Variants in HTR1E observed in about 807,000 individuals in gnomAD.
HTR1E encodes 5-HT-1E.
In HTR1E, 3 loss-of-function variants were observed where a neutral mutation model predicts 3.4. The observed-to-expected ratio is 0.89, with a 90% CI of 0.41 to 2.31. The LOEUF is 2.31. Ranked by LOEUF, HTR1E falls within the 30% of genes most tolerant of loss-of-function variation. The pLI, the probability that HTR1E is intolerant of heterozygous loss-of-function variation, is 0.05. For synonymous variants in HTR1E, 170 were observed against 182.8 expected (o/e 0.93, Z 0.56); for missense variants, 392 against 467.0 (o/e 0.84, Z 1.48).
chr6:86,959,396 T>G (rs1463859084), intron 1 of HTR1E, among the ~76,000 whole-genome samples: 1 of 151,942 alleles, frequency 6.6e-6, no homozygotes, highest in African/African-American at 2.4e-5. Flanking sequence ...CTGGGCAACA[T>G]GATGAAACCC....
Position 87,016,570 on chromosome 6 carries a change from T to C in HTR1E, c.*138T>C. 4 of 700,456 alleles carry C rather than the reference T, an allele frequency of 5.7e-6. No individual in the cohort carries two copies. The highest frequency in any genetic ancestry group is 9.1e-6 in the Non-Finnish European group (4 of 439,392). 43.4% of individuals were successfully genotyped at this position (700,456 alleles called of 1,614,324 possible). A position where few individuals can be genotyped will look rare whatever the true frequency, so the allele number is the denominator to read the frequency against. ...TGTGTGGTCTTGTTTCCTTGTTTGT[T>C]TGTTTGTTTTGTTCTGTTTTGTTTG... On this transcript the variant is annotated 3_prime_UTR_variant, in exon 2 of 2. Transcript: ENST00000305344.
intron 1 of HTR1E, among the ~76,000 whole-genome samples, chr6:86,951,374 T>A (rs1349405308): frequency 6.6e-6 from 1 of 152,192 alleles, no homozygotes; most frequent in East Asian, 1.9e-4. Flanking sequence ...GCTTTTAAAT[T>A]TTTTGCCTAG....
chr6:87,007,850 C>T (rs1484519014), intron 1 of HTR1E, among the ~76,000 whole-genome samples: 1 of 152,122 alleles, frequency 6.6e-6, no homozygotes, highest in Non-Finnish European at 1.5e-5. Context: ...AGAAGGATCG[C>T]TTGACACTGG....
intron 1 of HTR1E, among the ~76,000 whole-genome samples, chr6:86,978,055 T>A (rs565505283): frequency 6.6e-6 from 1 of 152,348 alleles, no homozygotes; most frequent in South Asian, 2.1e-4. Flanking sequence ...ATTCCATGAT[T>A]AGTTTAATTA....
At chr6:87,002,641 CACAGAGTGCTGATCGGTGCATTTTT>C (rs1255888597) in intron 1 of HTR1E, among the ~76,000 whole-genome samples, 2 of 152,166 alleles carry the variant, frequency 1.3e-5, no homozygotes, top group Admixed American at 6.5e-5. Context: ...TTTAGCTAGA[CACAGAGTGCTGATCGGTGCATTTTT>C]ACAGAGTGCT....
chr6:86,962,701 AG>A (rs931551503), intron 1 of HTR1E, among the ~76,000 whole-genome samples: 2 of 151,962 alleles, frequency 1.3e-5, no homozygotes, highest in African/African-American at 4.8e-5. Context: ...AGCCGGGTGT[AG>A]TGGTGCATGC....
chr6:86,972,339 C>G (rs534744409), intron 1 of HTR1E, among the ~76,000 whole-genome samples: 1 of 152,176 alleles, frequency 6.6e-6, no homozygotes, highest in African/African-American at 2.4e-5. Flanking sequence ...CAGAATACTT[C>G]AAGGTATTGT....
intron 1 of HTR1E, among the ~76,000 whole-genome samples, chr6:86,981,437 G>T (rs571740892): frequency 9.9e-5 from 15 of 152,172 alleles, no homozygotes; most frequent in South Asian, 2.1e-4. Context: ...CATTTCGCAG[G>T]TAAATATTTA....
chr6:86,973,444 C>G (rs1767589520), intron 1 of HTR1E, among the ~76,000 whole-genome samples: 1 of 151,982 alleles, frequency 6.6e-6, no homozygotes, highest in Non-Finnish European at 1.5e-5. Context: ...CAGCTATACC[C>G]CGCTCCATAA....
chr6:86,970,292 A>T lies in HTR1E; in HGVS notation c.-186+32469A>T, dbSNP rs1391283890. On this transcript the variant is annotated intron_variant, in intron 1 of 1. Transcript: ENST00000305344. ...AAGTAACAACTGCTTCCAGGTATGG[A>T]TATTCTACTTATGGAAGATCACTGA... is the stretch of plus-strand genomic sequence containing the variant. Among the ~76,000 whole-genome samples, 3 of 152,214 alleles carry T rather than the reference A, an allele frequency of 2.0e-5. No homozygotes were observed. In the East Asian group the frequency reaches 5.8e-4, roughly 29 times the overall value.
At chr6:86,965,097 T>C (rs144592628) in intron 1 of HTR1E, among the ~76,000 whole-genome samples, 26 of 152,304 alleles carry the variant, frequency 1.7e-4, no homozygotes, top group African/African-American at 5.3e-4. Flanking sequence ...TATGTGGGCT[T>C]CCAGACCAAA....
chr6:86,987,513 A>G (rs907690558), intron 1 of HTR1E, among the ~76,000 whole-genome samples: 3 of 152,118 alleles, frequency 2.0e-5, no homozygotes, highest in African/African-American at 7.2e-5. Context: ...ATATATATAT[A>G]TATATGTTCA....
intron 1 of HTR1E, among the ~76,000 whole-genome samples, chr6:86,961,482 T>C: frequency 6.6e-6 from 1 of 152,228 alleles, no homozygotes; most frequent in African/African-American, 2.4e-5. Flanking sequence ...CCAAGCTTGG[T>C]ATAAAATTTT....
intron 1 of HTR1E, among the ~76,000 whole-genome samples, chr6:86,950,480 G>C (rs1272269672): frequency 1.3e-5 from 2 of 152,112 alleles, no homozygotes; most frequent in Non-Finnish European, 1.5e-5. Flanking sequence ...ACAAAGCCCT[G>C]CCACTTCTAG....
intron 1 of HTR1E, among the ~76,000 whole-genome samples, chr6:86,948,242 CTATT>C (rs1767153865): frequency 6.6e-6 from 1 of 152,102 alleles, no homozygotes; most frequent in Admixed American, 6.5e-5. Context: ...CAAACATTAT[CTATT>C]TAATAAGTTT....
intron 1 of HTR1E, among the ~76,000 whole-genome samples, chr6:87,009,664 G>A (rs1289540628): frequency 1.1e-4 from 16 of 142,962 alleles, no homozygotes; most frequent in African/African-American, 3.4e-4. Context: ...CTCACCTCCC[G>A]GACGGGGCGG....
intron 1 of HTR1E, among the ~76,000 whole-genome samples, chr6:86,940,751 A>G (rs1276011259): frequency 6.6e-6 from 1 of 152,132 alleles, no homozygotes; most frequent in African/African-American, 2.4e-5. Context: ...CTAACGCTCT[A>G]ATGTGGGAAA....
At chr6:86,950,091 G>A (rs1308446731) in intron 1 of HTR1E, among the ~76,000 whole-genome samples, 1 of 152,178 alleles carries the variant, frequency 6.6e-6, no homozygotes, top group Middle Eastern at 3.2e-3. Flanking sequence ...TGAATGCAGA[G>A]TGAATAAAAC....
intron 1 of HTR1E, among the ~76,000 whole-genome samples, chr6:86,999,872 T>C (rs1767994679): frequency 6.6e-6 from 1 of 152,138 alleles, no homozygotes; most frequent in Non-Finnish European, 1.5e-5. Flanking sequence ...GAGTGCTCCC[T>C]GGTGAGGTGC....
Sources: gnomAD v4.1 joint callset for allele counts (sites outside exome capture counted in the v4.1 genomes callset) on GRCh38, gnomAD v4.1.1 for gene constraint, MANE v1.5 for transcripts, NCBI Gene and HGNC (gene_info 2026-07-23, HGNC 2026-07-21) for gene names.